PTPRT: variants seen among roughly 807,000 people sequenced by gnomAD.
PTPRT encodes receptor-type tyrosine-protein phosphatase T.
In PTPRT, 56 loss-of-function variants were observed where a neutral mutation model predicts 176.8. The observed-to-expected ratio is 0.32, with a 90% CI of 0.26 to 0.40. PTPRT has a LOEUF of 0.40. Among genes scored for constraint, PTPRT ranks in the 10% least tolerant of loss-of-function variants. PTPRT has a pLI of 1.00. For synonymous variants in PTPRT, 783 were observed against 739.0 expected (o/e 1.06, Z -0.96); for missense variants, 1,540 against 1,908.2 (o/e 0.81, Z 3.60).
At chr20:42,471,816 T>A (rs2071203174) in intron 8 of PTPRT, among the ~76,000 whole-genome samples, 1 of 152,046 alleles carries the variant, frequency 6.6e-6, no homozygotes, top group Non-Finnish European at 1.5e-5. Context: ...CTGCCACGCC[T>A]GGTAATTTCT....
chr20:42,732,056 T>C (rs538726569), intron 6 of PTPRT, among the ~76,000 whole-genome samples: 17 of 152,356 alleles, frequency 1.1e-4, no homozygotes, highest in African/African-American at 3.1e-4. Context: ...TAATTCTATA[T>C]TGTTCCATTA....
At chr20:42,060,191 G>C in the PTPRT span, among the ~76,000 whole-genome samples, 1 of 152,132 alleles carries the variant, frequency 6.6e-6, no homozygotes, top group Non-Finnish European at 1.5e-5. Context: ...GTTACTAGTA[G>C]ACCCAGAGCT....
chr20:42,877,543 AG>A (rs1396956816), intron 2 of PTPRT, among the ~76,000 whole-genome samples: 1 of 152,186 alleles, frequency 6.6e-6, no homozygotes, highest in African/African-American at 2.4e-5. Flanking sequence ...AAAGGGCAGG[AG>A]GGGGCACTGA....
intron 7 of PTPRT, among the ~76,000 whole-genome samples, chr20:42,574,798 T>C (rs1347040747): frequency 6.6e-6 from 1 of 152,148 alleles, no homozygotes; most frequent in Admixed American, 6.6e-5. Flanking sequence ...GATTGCATAA[T>C]GGGGGCAGTT....
At chr20:42,507,001 A>G (rs1268687688) in intron 7 of PTPRT, among the ~76,000 whole-genome samples, 1 of 152,158 alleles carries the variant, frequency 6.6e-6, no homozygotes, top group Non-Finnish European at 1.5e-5. Flanking sequence ...AGTAGACAGA[A>G]GTGCATTCAA....
chr20:42,223,022 G>C (rs2055920613), intron 15 of PTPRT, among the ~76,000 whole-genome samples: 1 of 152,148 alleles, frequency 6.6e-6, no homozygotes, highest in Non-Finnish European at 1.5e-5. Context: ...TGCTTGATGT[G>C]TGGGGAAAAC....
intron 11 of PTPRT, among the ~76,000 whole-genome samples, chr20:42,339,776 A>G (rs1444325914): frequency 2.6e-5 from 4 of 152,222 alleles, no homozygotes; most frequent in Non-Finnish European, 5.9e-5. Context: ...TTGGGATTAT[A>G]CCACTTCCCA....
At chr20:42,548,561 T>C (rs916067166) in intron 7 of PTPRT, among the ~76,000 whole-genome samples, 1 of 152,104 alleles carries the variant, frequency 6.6e-6, no homozygotes, top group Non-Finnish European at 1.5e-5. Flanking sequence ...TAGAAGACTA[T>C]ACTTGTGACT....
chr20:42,305,272 G>A (rs1330753009), intron 12 of PTPRT, among the ~76,000 whole-genome samples: 1 of 65,386 alleles, frequency 1.5e-5, no homozygotes, highest in East Asian at 3.2e-4. Flanking sequence ...AGAATCACTC[G>A]AACCTGGGAG....
chr20:42,787,077 G>A (rs1041411167), intron 3 of PTPRT, among the ~76,000 whole-genome samples: 2 of 152,228 alleles, frequency 1.3e-5, no homozygotes, highest in Non-Finnish European at 2.9e-5. Context: ...GCAGAATTGA[G>A]TAATTGCAAT....
At chr20:43,154,055 C>A (rs1012645328) in intron 1 of PTPRT, among the ~76,000 whole-genome samples, 2 of 152,180 alleles carry the variant, frequency 1.3e-5, no homozygotes, top group African/African-American at 2.4e-5. Context: ...AGTAGTAAAT[C>A]CATTAATACT....
At chr20:42,260,252 C>T (rs1318541555) in intron 13 of PTPRT, among the ~76,000 whole-genome samples, 2 of 152,182 alleles carry the variant, frequency 1.3e-5, no homozygotes, top group Non-Finnish European at 2.9e-5. Context: ...CTTCTCTTTT[C>T]CCTCCCCACC....
chr20:43,058,942 T>C (rs529303232), intron 1 of PTPRT, among the ~76,000 whole-genome samples: 3 of 152,128 alleles, frequency 2.0e-5, no homozygotes, highest in Admixed American at 6.5e-5. Context: ...GGGTGACCAA[T>C]GAGTATAGCA....
chr20:42,056,192 A>G, the PTPRT span, among the ~76,000 whole-genome samples: 2 of 152,178 alleles, frequency 1.3e-5, no homozygotes, highest in African/African-American at 2.4e-5. Flanking sequence ...CTTTTCAGAT[A>G]TTTAGCAGTA....
At chr20:42,233,588 A>T (rs993868533) in intron 15 of PTPRT, among the ~76,000 whole-genome samples, 10 of 152,106 alleles carry the variant, frequency 6.6e-5, no homozygotes, top group Non-Finnish European at 1.3e-4. Flanking sequence ...TACCTGTTCG[A>T]TCCCTTTAAG....
chr20:42,449,540 T>C (rs974586065), intron 8 of PTPRT, among the ~76,000 whole-genome samples: 4 of 152,222 alleles, frequency 2.6e-5, no homozygotes, highest in Non-Finnish European at 5.9e-5. Flanking sequence ...CTACATTATT[T>C]CACTTAAGCC....
chr20:42,721,931 C>T (rs561296474), intron 6 of PTPRT, among the ~76,000 whole-genome samples: 1 of 152,346 alleles, frequency 6.6e-6, no homozygotes, highest in South Asian at 2.1e-4. Flanking sequence ...CCACATCCCC[C>T]AGGGACTCAT....
At chr20:42,199,153 C>A in intron 16 of PTPRT, 87 bp downstream of exon 16, 1 of 1,487,800 alleles carries the variant, frequency 6.7e-7, no homozygotes, top group East Asian at 2.3e-5. Flanking sequence ...CCTGGCAGCA[C>A]CTGATCAATG....
chr20:42,552,847 C>T (rs1350951737), intron 7 of PTPRT, among the ~76,000 whole-genome samples: 1 of 152,060 alleles, frequency 6.6e-6, no homozygotes, highest in Non-Finnish European at 1.5e-5. Flanking sequence ...ACAACAGTTC[C>T]ACTTTGGGTA....
Sources: allele counts gnomAD v4.1 joint callset (sites outside exome capture counted in the v4.1 genomes callset), GRCh38; gene constraint gnomAD v4.1.1; transcripts MANE v1.5; gene names NCBI Gene and HGNC (gene_info 2026-07-23, HGNC 2026-07-21).